The following KCNH8 variants were observed in gnomAD, a reference collection of about 807,000 sequenced individuals.
KCNH8 encodes potassium voltage-gated channel subfamily H member 8, also known as voltage-gated delayed rectifier potassium channel KCNH8.
Under a neutral mutation model 103.6 loss-of-function variants are expected in KCNH8, and 70 were observed. That is an observed-to-expected ratio of 0.68 (90% CI 0.56 to 0.82). KCNH8 has a LOEUF of 0.82. KCNH8 is among the 40% of genes least tolerant of loss of function. The probability of loss-of-function intolerance (pLI) is 0.00; values close to 1 mark genes in which losing one functional copy is unlikely to be tolerated. For synonymous variants in KCNH8, 498 were observed against 489.4 expected (o/e 1.02, Z -0.23); for missense variants, 1,217 against 1,329.9 (o/e 0.92, Z 1.32).
At chr3:19,493,752 T>C (rs1179978636) in intron 11 of KCNH8, among the ~76,000 whole-genome samples, 1 of 143,284 alleles carries the variant, frequency 7.0e-6, no homozygotes, top group East Asian at 1.9e-4. Context: ...AGTCTTATTA[T>C]TATTATTATT....
At chr3:19,243,001 G>C (rs1012928251) in intron 1 of KCNH8, among the ~76,000 whole-genome samples, 1 of 152,144 alleles carries the variant, frequency 6.6e-6, no homozygotes, top group East Asian at 1.9e-4. Flanking sequence ...TTGCTGTTTA[G>C]CATTGTTAGG....
intron 3 of KCNH8, 41 bp from the exon 4 acceptor site, chr3:19,342,546 G>GATGC: frequency 6.3e-7 from 1 of 1,579,874 alleles, no homozygotes; most frequent in Non-Finnish European, 8.6e-7. Flanking sequence ...GAGGTGAAAT[G>GATGC]ATGCATGCAT....
At chr3:19,427,981 C>T (rs775800547) in intron 7 of KCNH8, among the ~76,000 whole-genome samples, 38 of 152,144 alleles carry the variant, frequency 2.5e-4, no homozygotes, top group Non-Finnish European at 5.3e-4. Context: ...AATATCAAAA[C>T]CTTGACTAAC....
chr3:19,350,864 A>C (rs1487876212), intron 5 of KCNH8, among the ~76,000 whole-genome samples: 1 of 152,118 alleles, frequency 6.6e-6, no homozygotes, highest in Non-Finnish European at 1.5e-5. Flanking sequence ...CAACGGAACA[A>C]AGCTGGATGG....
In KCNH8 at chr3:19,253,751, T is replaced by C; in HGVS notation, c.174T>C (p.Thr58=). The C allele has an allele frequency of 6.2e-7, 1 of 1,613,922 alleles. No homozygotes were observed. The highest frequency in any genetic ancestry group is 8.5e-7 in the Non-Finnish European group (1 of 1,179,934). ...GFCELAGFAR[T]EVMQKSCSCK... The stretch of plus-strand genomic sequence containing the variant: ...GCGAGCTTGCTGGATTTGCCCGAAC[T>C]GAAGTCATGCAGAAGAGTTGTAGCT... Residue 58 remains threonine (T), a synonymous_variant, in exon 2 of 16, where the codon ACT becomes ACC. Coordinates refer to ENST00000328405, the MANE Select transcript of KCNH8 (RefSeq NM_144633.3).
chr3:19,205,066 C>T (rs1182128927), intron 1 of KCNH8, among the ~76,000 whole-genome samples: 1 of 151,986 alleles, frequency 6.6e-6, no homozygotes, highest in Non-Finnish European at 1.5e-5. Context: ...TTCGCTCATT[C>T]ATCCACCCAC....
At chr3:19,400,382 G>A (rs1302375241) in intron 7 of KCNH8, among the ~76,000 whole-genome samples, 1 of 151,676 alleles carries the variant, frequency 6.6e-6, no homozygotes, top group African/African-American at 2.4e-5. Context: ...ACCAATCTGT[G>A]TTTCCTCAGC....
intron 5 of KCNH8, among the ~76,000 whole-genome samples, chr3:19,387,380 TGC>T (rs2066371219): frequency 6.6e-6 from 1 of 152,188 alleles, no homozygotes; most frequent in Admixed American, 6.6e-5. Context: ...CTGTCTCTGT[TGC>T]TTACTGTCTG....
chr3:19,325,884 A>T (rs1221103357), intron 3 of KCNH8, among the ~76,000 whole-genome samples: 1 of 152,184 alleles, frequency 6.6e-6, no homozygotes, highest in Admixed American at 6.5e-5. Context: ...AAAGACATGC[A>T]CATGTATGTT....
chr3:19,353,912 G>A (rs911543546), intron 5 of KCNH8, among the ~76,000 whole-genome samples: 1 of 152,098 alleles, frequency 6.6e-6, no homozygotes, highest in African/African-American at 2.4e-5. Flanking sequence ...AGAAATAAAG[G>A]GTATTCAGTT....
intron 1 of KCNH8, among the ~76,000 whole-genome samples, chr3:19,155,910 A>C (rs34385858): frequency 0.11 from 16,783 of 152,180 alleles, 1,238 homozygotes; most frequent in Non-Finnish European, 0.16. Flanking sequence ...CATTACTCCC[A>C]TTGCTTAGAC....
At chr3:19,323,068 T>C (rs751954473) in intron 3 of KCNH8, among the ~76,000 whole-genome samples, 3 of 152,176 alleles carry the variant, frequency 2.0e-5, no homozygotes, top group South Asian at 4.1e-4. Context: ...TGCTATTTCA[T>C]TGGAGATTTT....
At chr3:19,392,902 T>C (rs2066460331) in intron 6 of KCNH8, among the ~76,000 whole-genome samples, 1 of 152,028 alleles carries the variant, frequency 6.6e-6, no homozygotes, top group African/African-American at 2.4e-5. Flanking sequence ...AAAATATCCA[T>C]AAAATGGGCA....
At chr3:19,378,794 G>A (rs1286074758) in intron 5 of KCNH8, among the ~76,000 whole-genome samples, 1 of 152,164 alleles carries the variant, frequency 6.6e-6, no homozygotes, top group Non-Finnish European at 1.5e-5. Context: ...GACTCTACAT[G>A]AATTATCCTT....
Position 19,153,099 on chromosome 3 carries a change from A to T in KCNH8, c.76+4304A>T, listed in dbSNP as rs79197060. On this transcript the variant is annotated intron_variant, in intron 1 of 15. Coordinates refer to ENST00000328405, the MANE Select transcript of KCNH8 (RefSeq NM_144633.3). ...TAGGGAGAAGGATAATGTACCCATT[A>T]TCATACTCTTGACTTTGTAGATGAA... Among the ~76,000 whole-genome samples the T allele has an allele frequency of 3.3e-5, 5 of 152,296 alleles. No homozygotes were observed. In the East Asian group the frequency reaches 9.6e-4, roughly 29 times the overall value.
intron 10 of KCNH8, among the ~76,000 whole-genome samples, chr3:19,454,282 G>A (rs2067497722): frequency 6.6e-6 from 1 of 151,512 alleles, no homozygotes. Context: ...CTATCATCTT[G>A]TGATTCTAAA....
chr3:19,504,146 A>C (rs1034098766), intron 11 of KCNH8, among the ~76,000 whole-genome samples: 5 of 152,148 alleles, frequency 3.3e-5, no homozygotes, highest in Non-Finnish European at 7.3e-5. Flanking sequence ...CATATGCAGA[A>C]GATTGGAACT....
At chr3:19,305,422 G>GA (rs1178980389) in intron 3 of KCNH8, among the ~76,000 whole-genome samples, 9 of 152,210 alleles carry the variant, frequency 5.9e-5, no homozygotes, top group African/African-American at 2.2e-4. Flanking sequence ...AGTGAAGACA[G>GA]AATTCAAGAC....
At chr3:19,407,114 A>C (rs2066703997) in intron 7 of KCNH8, among the ~76,000 whole-genome samples, 1 of 152,188 alleles carries the variant, frequency 6.6e-6, no homozygotes, top group East Asian at 1.9e-4. Context: ...GTCTTTTTAA[A>C]AATTACTTTG....
Sources: allele counts gnomAD v4.1 joint callset (sites outside exome capture counted in the v4.1 genomes callset), GRCh38; gene constraint gnomAD v4.1.1; transcripts MANE v1.5; gene names NCBI Gene and HGNC (gene_info 2026-07-23, HGNC 2026-07-21).